Variants in CLEC16A observed in about 807,000 individuals in gnomAD.
CLEC16A encodes protein CLEC16A.
Under a neutral mutation model 109.5 loss-of-function variants are expected in CLEC16A, and 51 were observed. The ratio of observed to expected loss-of-function variants is 0.47; its 90% CI spans 0.37 to 0.59. The LOEUF (loss-of-function observed/expected upper bound fraction) is 0.59, where lower values mean the gene tolerates loss of function less well. CLEC16A is among the 20% of genes least tolerant of loss of function. The probability of loss-of-function intolerance (pLI) is 0.00; values close to 1 mark genes in which losing one functional copy is unlikely to be tolerated. For missense variants in CLEC16A, 1,339 were observed against 1,394.0 expected, an observed-to-expected ratio of 0.96 and a Z score of 0.63; for synonymous variants, 673 against 564.2, an observed-to-expected ratio of 1.19 and a Z score of -2.73.
chr16:11,118,652 T>C (rs1043363321), intron 19 of CLEC16A, among the ~76,000 whole-genome samples: 9 of 152,230 alleles, frequency 5.9e-5, no homozygotes, highest in African/African-American at 2.2e-4. Flanking sequence ...GTAAGTTCCA[T>C]TTGTCTATTT....
At position 11,042,275 on chromosome 16, in the gene CLEC16A, C is replaced by T. The variant is rs763777406; in HGVS notation, c.1682C>T (p.Thr561Met). ...AQPDGKIRLATLELSCLLLKQ... is the reference protein window; with the variant it reads ...AQPDGKIRLAMLELSCLLLKQ... ...GCAGATGGGAAGATCCGGCTGGCGACGCTGGAGCTGAGCTGCCTGCTTCTG... is the reference window on the plus strand; with the variant it reads ...GCAGATGGGAAGATCCGGCTGGCGATGCTGGAGCTGAGCTGCCTGCTTCTG... Residue 561 changes from threonine to methionine, a missense_variant, in exon 15 of 24, where the codon ACG (threonine) becomes ATG (methionine). Physicochemically the swap from Thr to Met is moderately conservative, Grantham distance 81 (BLOSUM62 -1). Around this residue, in one of 3 missense-constraint regions of CLEC16A, gnomAD observed 1,061 missense variants for 1,006.8 expected, o/e 1.05. Transcript: ENST00000409790. 1.8e-5 allele frequency: 28 copies of T among 1,585,046 alleles called. No individual in the cohort carries two copies. In the East Asian group the frequency reaches 2.8e-4, roughly 16 times the overall value.
At chr16:11,076,838 CT>C (rs1341399934) in intron 19 of CLEC16A, among the ~76,000 whole-genome samples, 1 of 152,202 alleles carries the variant, frequency 6.6e-6, no homozygotes, top group African/African-American at 2.4e-5. Context: ...CCAATGCACA[CT>C]CTCCAGCCCA....
At chr16:10,991,445 A>C (rs1596930542) in intron 10 of CLEC16A, among the ~76,000 whole-genome samples, 2 of 150,294 alleles carry the variant, frequency 1.3e-5, no homozygotes, top group South Asian at 2.1e-4. Flanking sequence ...AAAAAAAAAA[A>C]AAGAACAGCC....
At chr16:11,042,210 GC>G in intron 14 of CLEC16A, 43 bp from the exon 15 acceptor site, 2 of 1,465,430 alleles carry the variant, frequency 1.4e-6, no homozygotes, top group South Asian at 1.2e-5. Context: ...GTTTAAGGGC[GC>G]CCCACCCTGG....
chr16:11,113,338 G>T (rs2051729859), intron 19 of CLEC16A, among the ~76,000 whole-genome samples: 1 of 152,212 alleles, frequency 6.6e-6, no homozygotes, highest in Non-Finnish European at 1.5e-5. Flanking sequence ...TTTTAAGTGT[G>T]CAAATAACAT....
At chr16:11,120,103 G>A (rs1199837146) in intron 19 of CLEC16A, among the ~76,000 whole-genome samples, 2 of 152,188 alleles carry the variant, frequency 1.3e-5, no homozygotes, top group African/African-American at 4.8e-5. Flanking sequence ...CCAAGTAGCT[G>A]GGATTACAGG....
rs1345321842 is a variant in CLEC16A at position 11,034,818 on chromosome 16, G to A, written c.1538-4936G>A. On this transcript the variant is annotated intron_variant, in intron 13 of 23. Coordinates refer to ENST00000409790, the MANE Select transcript of CLEC16A (RefSeq NM_015226.3). The stretch of plus-strand genomic sequence containing the variant: ...TCCACAGTGTTTATTTCTGTCAGAG[G>A]GAAATGACTGGCAAAGAAGCTATTG... 3.3e-5 allele frequency among the ~76,000 whole-genome samples: 5 copies of A among 152,180 alleles called. No individual in the cohort carries two copies. In the South Asian group the frequency reaches 1.0e-3, roughly 32 times the overall value.
chr16:11,052,370 T>G (rs2047993873), intron 18 of CLEC16A, among the ~76,000 whole-genome samples: 1 of 152,206 alleles, frequency 6.6e-6, no homozygotes, highest in South Asian at 2.1e-4. Flanking sequence ...CTTTATCATC[T>G]GAGTTAATTC....
At chr16:10,994,114 C>T (rs923093803) in intron 10 of CLEC16A, among the ~76,000 whole-genome samples, 3 of 152,188 alleles carry the variant, frequency 2.0e-5, no homozygotes, top group Non-Finnish European at 4.4e-5. Flanking sequence ...CCTTGCTTTA[C>T]GCCTCTGCAG....
intron 19 of CLEC16A, among the ~76,000 whole-genome samples, chr16:11,115,599 C>G (rs1029584422): frequency 6.6e-6 from 1 of 152,172 alleles, no homozygotes; most frequent in Admixed American, 6.5e-5. Context: ...TGTGGAACTC[C>G]TGGGCTCAAG....
chr16:11,132,725 G>A (rs2053298647), intron 22 of CLEC16A, among the ~76,000 whole-genome samples: 1 of 152,188 alleles, frequency 6.6e-6, no homozygotes, highest in South Asian at 2.1e-4. Context: ...AGAATGGAAG[G>A]CACTTGGCCA....
chr16:11,148,054 G>T (rs1567391084), intron 22 of CLEC16A, among the ~76,000 whole-genome samples: 1 of 152,142 alleles, frequency 6.6e-6, no homozygotes, highest in Non-Finnish European at 1.5e-5. Context: ...AGATAAGTTT[G>T]CATTTCATAC....
At chr16:10,978,170 C>G (rs961618989) in intron 8 of CLEC16A, among the ~76,000 whole-genome samples, 1 of 152,190 alleles carries the variant, frequency 6.6e-6, no homozygotes, top group African/African-American at 2.4e-5. Context: ...CCCCAGAGGC[C>G]TGTGGGGATG....
At chr16:11,101,460 G>T (rs1169670083) in intron 19 of CLEC16A, among the ~76,000 whole-genome samples, 1 of 152,168 alleles carries the variant, frequency 6.6e-6, no homozygotes, top group Non-Finnish European at 1.5e-5. Context: ...GTCCTTGACT[G>T]TCGCACTCTG....
chr16:11,163,335 T>C (rs2054792963), intron 22 of CLEC16A, among the ~76,000 whole-genome samples: 1 of 152,092 alleles, frequency 6.6e-6, no homozygotes, highest in African/African-American at 2.4e-5. Flanking sequence ...AAAGTCACTG[T>C]GGCTTTCTGG....
intron 10 of CLEC16A, among the ~76,000 whole-genome samples, chr16:10,991,004 G>A (rs974752752): frequency 1.4e-4 from 21 of 152,124 alleles, no homozygotes; most frequent in Middle Eastern, 3.2e-3. Flanking sequence ...GGTATCTGCC[G>A]TATGCCAGGC....
intron 22 of CLEC16A, among the ~76,000 whole-genome samples, chr16:11,153,872 A>G (rs939505446): frequency 6.6e-6 from 1 of 152,186 alleles, no homozygotes; most frequent in African/African-American, 2.4e-5. Flanking sequence ...ATTTGTGAGG[A>G]GGAACAAAGG....
chr16:11,022,054 T>A (rs2046132164), intron 12 of CLEC16A, among the ~76,000 whole-genome samples: 1 of 152,180 alleles, frequency 6.6e-6, no homozygotes, highest in Non-Finnish European at 1.5e-5. Context: ...TTCTTAGAGT[T>A]GATTGAGATT....
intron 4 of CLEC16A, 44 bp from the exon 5 acceptor site, chr16:10,971,081 G>C: frequency 1.5e-6 from 2 of 1,309,308 alleles, no homozygotes; most frequent in Non-Finnish European, 2.2e-6. Flanking sequence ...GCCAGGCCTG[G>C]CTTATGGGCT....
Sources: allele counts gnomAD v4.1 joint callset (sites outside exome capture counted in the v4.1 genomes callset), GRCh38; gene constraint gnomAD v4.1.1; regional missense constraint gnomAD v4.1.1; transcripts MANE v1.5; gene names NCBI Gene and HGNC (gene_info 2026-07-23, HGNC 2026-07-21).